Variants in EHMT1 observed in about 807,000 individuals in gnomAD.
EHMT1 encodes the protein euchromatic histone lysine methyltransferase 1.
In EHMT1, 15 loss-of-function variants were observed where a neutral mutation model predicts 147.2. The observed-to-expected ratio is 0.10, with a 90% CI of 0.07 to 0.16. The LOEUF is 0.16. Among genes scored for constraint, EHMT1 ranks in the 10% least tolerant of loss-of-function variants. The pLI is 1.00. For synonymous variants in EHMT1, 795 were observed against 709.6 expected (o/e 1.12, Z -1.91); for missense variants, 1,587 against 1,772.4 (o/e 0.90, Z 1.88).
At chr9:137,805,325 G>T (rs1474511886) in intron 18 of EHMT1, among the ~76,000 whole-genome samples, 1 of 152,138 alleles carries the variant, frequency 6.6e-6, no homozygotes, top group Non-Finnish European at 1.5e-5. Context: ...TCGTCCACAT[G>T]TATGAGTTGG....
chr9:137,695,386 T>C (rs1187847699), intron 1 of EHMT1, among the ~76,000 whole-genome samples: 1 of 152,172 alleles, frequency 6.6e-6, no homozygotes, highest in South Asian at 2.1e-4. Flanking sequence ...GGGTTTGCTC[T>C]GACCCCTGCT....
chr9:137,822,586 A>G (rs1281918315), intron 25 of EHMT1, among the ~76,000 whole-genome samples: 10 of 152,042 alleles, frequency 6.6e-5, no homozygotes, highest in Admixed American at 5.9e-4. Flanking sequence ...TTCTTTTGTG[A>G]AGTAATTTTT....
chr9:137,833,822 C>T (rs182555281), intron 25 of EHMT1, among the ~76,000 whole-genome samples: 3 of 152,368 alleles, frequency 2.0e-5, no homozygotes, highest in African/African-American at 7.2e-5. Flanking sequence ...GGGCAGCCTC[C>T]GCCTGACGGT....
intron 3 of EHMT1, among the ~76,000 whole-genome samples, chr9:137,723,104 G>A (rs1170885064): frequency 7.1e-6 from 1 of 141,180 alleles, no homozygotes; most frequent in South Asian, 2.4e-4. Flanking sequence ...GCCTGAGCCC[G>A]GGGTGTGTCT....
chr9:137,747,459 C>T (rs1948639029), intron 6 of EHMT1: 2 of 151,948 alleles, frequency 1.3e-5, no homozygotes, highest in African/African-American at 4.8e-5. Context: ...CGCCCGGCCT[C>T]CTAAATAAAA....
intron 4 of EHMT1, among the ~76,000 whole-genome samples, chr9:137,730,879 T>G (rs1588422833): frequency 6.6e-6 from 1 of 152,254 alleles, no homozygotes; most frequent in East Asian, 1.9e-4. Flanking sequence ...TCAGTCATTA[T>G]CTGTTCCCCT....
intron 18 of EHMT1, chr9:137,802,289 G>T (rs1953557673): frequency 5.0e-6 from 2 of 398,622 alleles, no homozygotes; most frequent in East Asian, 7.1e-5. Context: ...GTCACAGAGG[G>T]TTCAGAAGCC....
chr9:137,781,420 G>C (rs1212759558), intron 14 of EHMT1, among the ~76,000 whole-genome samples: 1 of 151,934 alleles, frequency 6.6e-6, no homozygotes, highest in Non-Finnish European at 1.5e-5. Flanking sequence ...ATGATGCTGA[G>C]ATGTGTGGTG....
intron 25 of EHMT1, chr9:137,834,145 G>A (rs1047561983): frequency 3.0e-6 from 2 of 662,746 alleles, no homozygotes; most frequent in South Asian, 1.9e-5. Context: ...AGGACGGCAG[G>A]GTGCGGGGTG....
chr9:137,729,445 G>A (rs1379483464), intron 4 of EHMT1, among the ~76,000 whole-genome samples: 1 of 152,076 alleles, frequency 6.6e-6, no homozygotes, highest in Non-Finnish European at 1.5e-5. Flanking sequence ...AAATTAGCCG[G>A]GCATGGTGGC....
At chr9:137,630,348 G>C (rs1271725737) in intron 1 of EHMT1, among the ~76,000 whole-genome samples, 1 of 152,226 alleles carries the variant, frequency 6.6e-6, no homozygotes, top group Non-Finnish European at 1.5e-5. Context: ...GAGGCTGCTG[G>C]ATGGCCACAA....
At chr9:137,820,901 G>A (rs1442080548) in intron 25 of EHMT1, among the ~76,000 whole-genome samples, 6 of 152,100 alleles carry the variant, frequency 3.9e-5, no homozygotes, top group South Asian at 4.1e-4. Context: ...GTTTTGAGAC[G>A]GAGTCTCGCT....
chr9:137,755,665 C>T (rs929181340), intron 8 of EHMT1, among the ~76,000 whole-genome samples: 5 of 152,188 alleles, frequency 3.3e-5, no homozygotes, highest in East Asian at 1.9e-4. Flanking sequence ...TCCAAGCACT[C>T]GTCCTGTTTT....
Position 137,743,432 on chromosome 9 carries a change from C to T in EHMT1, c.885C>T (p.Thr295=). The T allele has an allele frequency of 1.2e-6, 2 of 1,613,326 alleles. No homozygotes were observed. The highest frequency in any genetic ancestry group is 1.7e-6 in the Non-Finnish European group (2 of 1,179,952). The change falls in exon 5 of 27, where the codon ACC becomes ACT. Residue 295 remains threonine, a synonymous_variant. Coordinates refer to ENST00000460843, the MANE Select transcript of EHMT1 (RefSeq NM_024757.5). The stretch of plus-strand genomic sequence containing the variant: ...GGAAGAAAAAACGAAGAATGGGAAC[C>T]TATAGCCTGGTTCCTAAGAAAAAGA... ...VSRKKKRRMG[T]YSLVPKKKTK...
chr9:137,780,091 T>C (rs77256412), intron 14 of EHMT1, among the ~76,000 whole-genome samples: 5,981 of 135,546 alleles, frequency 0.044, 484 homozygotes, highest in African/African-American at 0.16. Flanking sequence ...ATGGTGATGA[T>C]GCTGAGATGT....
chr9:137,721,624 A>G (rs1017076770), intron 3 of EHMT1, among the ~76,000 whole-genome samples: 1 of 141,128 alleles, frequency 7.1e-6, no homozygotes, highest in African/African-American at 2.7e-5. Flanking sequence ...TCTCACCCTC[A>G]TCCTCTCCCA....
At chr9:137,648,882 G>A (rs919550310) in intron 1 of EHMT1, among the ~76,000 whole-genome samples, 6 of 152,122 alleles carry the variant, frequency 3.9e-5, no homozygotes, top group African/African-American at 1.4e-4. Context: ...CATCACTGTT[G>A]GGCCCAAGCC....
chr9:137,758,274 G>C (rs549307426), intron 9 of EHMT1, among the ~76,000 whole-genome samples: 1 of 152,246 alleles, frequency 6.6e-6, no homozygotes, highest in Non-Finnish European at 1.5e-5. Flanking sequence ...ATCTCCCTCC[G>C]TGGGTCAGGC....
Position 137,629,234 on chromosome 9 carries a change from A to G in EHMT1, c.21+10185A>G, listed in dbSNP as rs952688617. Reference sequence around the variant, plus strand: ...CAGCCTCCCGAGTAGCTGGGATTACAGGCGCCCACCACCATGCCTGGCTAA... The same window carrying G: ...CAGCCTCCCGAGTAGCTGGGATTACGGGCGCCCACCACCATGCCTGGCTAA... On this transcript the variant is annotated intron_variant, in intron 1 of 26. Transcript: ENST00000460843. 8.6e-5 allele frequency among the ~76,000 whole-genome samples: 13 copies of G among 151,372 alleles called. 1 individual carries two copies. Among genetic ancestry groups the G allele is most frequent in the Admixed American group, 6.6e-4 (10 of 15,142 alleles).
Sources: allele counts gnomAD v4.1 joint callset (sites outside exome capture counted in the v4.1 genomes callset), GRCh38; gene constraint gnomAD v4.1.1; transcripts MANE v1.5; gene names NCBI Gene and HGNC (gene_info 2026-07-23, HGNC 2026-07-21).